The following CDIP1 variants were observed in gnomAD, a reference collection of about 807,000 sequenced individuals.
CDIP1 encodes cell death inducing p53 target 1, also known as cell death-inducing p53-target protein 1.
In CDIP1, 9 loss-of-function variants were observed where a neutral mutation model predicts 17.7. The ratio of observed to expected loss-of-function variants is 0.51; its 90% CI spans 0.31 to 0.89. The LOEUF (loss-of-function observed/expected upper bound fraction) is 0.89, where lower values mean the gene tolerates loss of function less well. CDIP1 is among the 40% of genes least tolerant of loss of function. CDIP1 has a pLI of 0.05. For missense variants in CDIP1, 263 were observed against 277.9 expected (o/e 0.95, Z 0.38); for synonymous variants, 117 against 109.5 (o/e 1.07, Z -0.43).
At chr16:4,519,262 C>CAA (rs1420650973) in intron 1 of CDIP1, among the ~76,000 whole-genome samples, 1 of 152,154 alleles carries the variant, frequency 6.6e-6, no homozygotes, top group African/African-American at 2.4e-5. Context: ...ACTTCTGTGG[C>CAA]AAAACATGTG....
intron 1 of CDIP1, among the ~76,000 whole-genome samples, chr16:4,534,885 A>AT (rs2059092291): frequency 6.6e-6 from 1 of 151,182 alleles, no homozygotes; most frequent in Non-Finnish European, 1.5e-5. Flanking sequence ...CACCCGGCTA[A>AT]TTTTGTATTT....
At chr16:4,519,047 GATTT>G (rs1444758755) in intron 1 of CDIP1, among the ~76,000 whole-genome samples, 4 of 152,102 alleles carry the variant, frequency 2.6e-5, no homozygotes, top group Non-Finnish European at 4.4e-5. Flanking sequence ...TTAAATCTTG[GATTT>G]ATTAATTGCA....
At chr16:4,520,399 G>A (rs1484402758) in intron 1 of CDIP1, among the ~76,000 whole-genome samples, 1 of 152,136 alleles carries the variant, frequency 6.6e-6, no homozygotes, top group Non-Finnish European at 1.5e-5. Context: ...CACCGCACTT[G>A]ACCGACAAGT....
At chr16:4,531,607 C>T (rs920834121) in intron 1 of CDIP1, among the ~76,000 whole-genome samples, 6 of 152,194 alleles carry the variant, frequency 3.9e-5, no homozygotes, top group Non-Finnish European at 8.8e-5. Flanking sequence ...GGCGAGCAAG[C>T]AGTGGCACAG....
Position 4,511,519 on chromosome 16 carries a change from C to T in CDIP1, c.*1053G>A, listed in dbSNP as rs1329555027. On this transcript the variant is annotated 3_prime_UTR_variant, in exon 6 of 6. Transcript: ENST00000567695. ...GAGGCTGGTGTCCACCAAGGCAGTT[C>T]TACCACTTGTGGCTGCTCCTTCCTC... 40 of 152,466 alleles carry T rather than the reference C, an allele frequency of 2.6e-4. 1 individual carries two copies. Among genetic ancestry groups the T allele is most frequent in the Admixed American group, 2.6e-3 (40 of 15,286 alleles). 9.4% of individuals were successfully genotyped at this position (152,466 alleles called of 1,614,324 possible). A position where few individuals can be genotyped will look rare whatever the true frequency, so the allele number is the denominator to read the frequency against.
Position 4,513,175 on chromosome 16 carries a change from G to C in CDIP1, c.242-111C>G, listed in dbSNP as rs952455606. On this transcript the variant is annotated intron_variant, in intron 4 of 5. Transcript: ENST00000567695. The surrounding 1 kb of genome is among the most constrained non-coding windows in gnomAD (Gnocchi z 4.1). ...CACAGCGCCCAGCGTGCAAGGCTACGCCTCAGACCTCCTACCGCCCTCCTA... is the reference window on the plus strand; with the variant it reads ...CACAGCGCCCAGCGTGCAAGGCTACCCCTCAGACCTCCTACCGCCCTCCTA... 53 of 1,139,406 alleles carry C rather than the reference G, an allele frequency of 4.7e-5. No individual in the cohort carries two copies. The highest frequency in any genetic ancestry group is 5.7e-5 in the Non-Finnish European group (47 of 828,208). The allele number at this position is 1,139,406 out of a possible 1,614,324, so 70.6% of individuals were successfully genotyped here.
In CDIP1 at chr16:4,512,907, A is replaced by G. The variant is rs1300022838; in HGVS notation, c.399T>C (p.Phe133=). The G allele has an allele frequency of 6.4e-7, 1 of 1,573,394 alleles. No individual in the cohort carries two copies. The highest frequency in any genetic ancestry group is 8.6e-7 in the Non-Finnish European group (1 of 1,159,286). The stretch of plus-strand genomic sequence containing the variant: ...ACACCGTCTGCACAGGCGCTCCCTC[A>G]AAGATCTCTCCCTGCAGCACTGTCA... The part of the protein sequence containing the change: ...TTVTVLQGEI[F]EGAPVQTVCP... The change falls in exon 5 of 6, where the codon TTT becomes TTC. Residue 133 remains phenylalanine, a synonymous_variant. Coordinates refer to ENST00000567695, the MANE Select transcript of CDIP1 (RefSeq NM_013399.3). The surrounding 1 kb of genome is among the most constrained non-coding windows in gnomAD (Gnocchi z 4.6).
chr16:4,513,591 G>A lies in CDIP1; in HGVS notation c.241+105C>T. 1.0e-6 allele frequency: 1 copy of A among 995,344 alleles called. No homozygotes were observed. Among genetic ancestry groups the A allele is most frequent in the South Asian group, 1.5e-5 (1 of 66,562 alleles). The allele number at this position is 995,344 out of a possible 1,614,324, so 61.7% of individuals were successfully genotyped here. On this transcript the variant is annotated intron_variant, in intron 4 of 5. Transcript: ENST00000567695. This position sits in a 1 kb window ranked among gnomAD's most constrained non-coding sequence, Gnocchi z 4.1. ...GCAAGGGCTGGTTGGGCGTGTTGGA[G>A]TCCCTGCCCTACAGCAGATGCCCAC... is the stretch of plus-strand genomic sequence containing the variant.
At chr16:4,533,989 C>A (rs1266323914) in intron 1 of CDIP1, among the ~76,000 whole-genome samples, 1 of 152,112 alleles carries the variant, frequency 6.6e-6, no homozygotes, top group African/African-American at 2.4e-5. Context: ...CTCACTCTGT[C>A]ACCCAGGCTG....
In CDIP1 at chr16:4,512,791, C is replaced by T; in HGVS notation, c.515G>A (p.Gly172Glu). 1 of 1,582,952 alleles carries T rather than the reference C, an allele frequency of 6.3e-7. No homozygotes were observed. Among genetic ancestry groups the T allele is most frequent in the Admixed American group, 1.9e-5 (1 of 53,838 alleles). ...CCCTACCAGTGCCCACACCACCTAC[C>T]CCATGAAGCAACAGAAGAAACCCAG... is the stretch of plus-strand genomic sequence containing the variant. The part of the protein sequence containing the change: ...FVLGFFCCFM[G>E]CDLGCCLIPC... The change falls in exon 5 of 6, where the codon GGA becomes GAA. Residue 172 changes from glycine (G) to glutamate (E), a missense_variant and splice_region_variant. Transcript: ENST00000567695. This position sits in a 1 kb window ranked among gnomAD's most constrained non-coding sequence, Gnocchi z 4.6.
chr16:4,522,336 AG>A, intron 1 of CDIP1: 1 of 152,388 alleles, frequency 6.6e-6, no homozygotes, highest in South Asian at 2.1e-4. Context: ...CCCTGGTGGC[AG>A]GGGCTCTGCA....
chr16:4,535,477 G>A (rs1156571707), intron 1 of CDIP1, among the ~76,000 whole-genome samples: 1 of 152,208 alleles, frequency 6.6e-6, no homozygotes, highest in Non-Finnish European at 1.5e-5. Context: ...CTCTGTATTG[G>A]TTTTGCTTTG....
chr16:4,525,790 G>T (rs981634168), intron 1 of CDIP1, among the ~76,000 whole-genome samples: 16 of 152,174 alleles, frequency 1.1e-4, no homozygotes, highest in African/African-American at 3.6e-4. Flanking sequence ...CCCTTCTCTG[G>T]GACCGTTGTC....
intron 1 of CDIP1, chr16:4,533,492 C>G (rs1484134704): frequency 2.0e-5 from 3 of 152,420 alleles, no homozygotes; most frequent in Admixed American, 6.5e-5. Context: ...CTCCCATTGC[C>G]AAACTGGATG....
chr16:4,525,138 T>C (rs1409191126), intron 1 of CDIP1, among the ~76,000 whole-genome samples: 3 of 151,980 alleles, frequency 2.0e-5, no homozygotes, highest in Non-Finnish European at 4.4e-5. Context: ...GTTCCTTAGG[T>C]CTGAAGGAAC....
At chr16:4,538,134 T>C (rs2059129441) in intron 1 of CDIP1, among the ~76,000 whole-genome samples, 1 of 152,092 alleles carries the variant, frequency 6.6e-6, no homozygotes, top group Non-Finnish European at 1.5e-5. Context: ...CAACCTTCCC[T>C]GACGGAAAAA....
chr16:4,528,272 T>G (rs1164966475), intron 1 of CDIP1, among the ~76,000 whole-genome samples: 1 of 152,198 alleles, frequency 6.6e-6, no homozygotes, highest in Non-Finnish European at 1.5e-5. Context: ...GAGAACAGCG[T>G]CCTGATATAT....
chr16:4,518,429 C>T (rs1363317126), intron 1 of CDIP1, among the ~76,000 whole-genome samples: 1 of 152,218 alleles, frequency 6.6e-6, no homozygotes, highest in Non-Finnish European at 1.5e-5. Flanking sequence ...GCTTCCCCTC[C>T]AGCTCGATGG....
chr16:4,531,133 A>G (rs556887559), intron 1 of CDIP1, among the ~76,000 whole-genome samples: 1 of 151,852 alleles, frequency 6.6e-6, no homozygotes, highest in Admixed American at 6.6e-5. Context: ...GGTTCACGCA[A>G]TTCTCATGCC....
Sources: allele counts gnomAD v4.1 joint callset (sites outside exome capture counted in the v4.1 genomes callset), GRCh38; gene constraint gnomAD v4.1.1; non-coding constraint Gnocchi (gnomAD v3.1); transcripts MANE v1.5; gene names NCBI Gene and HGNC (gene_info 2026-07-23, HGNC 2026-07-21).